The following CCSER1 variants were observed in gnomAD, a reference collection of about 807,000 sequenced individuals.
The protein encoded by CCSER1 is serine-rich coiled-coil domain-containing protein 1.
Under a neutral mutation model 82.0 loss-of-function variants are expected in CCSER1, and 41 were observed. The ratio of observed to expected loss-of-function variants is 0.50; its 90% CI spans 0.39 to 0.65. The LOEUF is 0.65. Among genes scored for constraint, CCSER1 ranks in the 30% least tolerant of loss-of-function variants. The pLI is 0.00. For missense variants in CCSER1, 1,119 were observed against 1,064.2 expected, an observed-to-expected ratio of 1.05 and a Z score of -0.72; for synonymous variants, 414 against 383.9, an observed-to-expected ratio of 1.08 and a Z score of -0.92.
intron 10 of CCSER1, among the ~76,000 whole-genome samples, chr4:91,594,368 C>CATATAT (rs1560788442): frequency 3.7e-4 from 51 of 136,574 alleles, no homozygotes; most frequent in African/African-American, 1.3e-3. Context: ...CATATATATA[C>CATATAT]ACATATATAT....
At chr4:91,134,832 C>T (rs954363801) in intron 10 of CCSER1, among the ~76,000 whole-genome samples, 1 of 152,106 alleles carries the variant, frequency 6.6e-6, no homozygotes, top group Non-Finnish European at 1.5e-5. Flanking sequence ...GAGGCCGGGG[C>T]AGACAGACCA....
chr4:91,272,923 C>T (rs1026593334), intron 10 of CCSER1, among the ~76,000 whole-genome samples: 1 of 152,064 alleles, frequency 6.6e-6, no homozygotes, highest in Non-Finnish European at 1.5e-5. Context: ...GGTTTTATTT[C>T]TGGGTTCTCT....
intron 4 of CCSER1, among the ~76,000 whole-genome samples, chr4:90,415,553 G>C (rs1755660531): frequency 6.6e-6 from 1 of 152,164 alleles, no homozygotes; most frequent in South Asian, 2.1e-4. Context: ...TGAATCCTCT[G>C]AAATGAGCTG....
intron 1 of CCSER1, among the ~76,000 whole-genome samples, chr4:90,297,017 C>G (rs1467781166): frequency 6.6e-6 from 1 of 151,996 alleles, no homozygotes; most frequent in Admixed American, 6.6e-5. Flanking sequence ...TAGTTTTTTC[C>G]AATTCTGTGA....
intron 5 of CCSER1, among the ~76,000 whole-genome samples, chr4:90,551,678 T>TTCTCTCTCTCTCTCTCTCTCTCTC (rs71596530): frequency 2.3e-5 from 2 of 88,568 alleles, no homozygotes; most frequent in African/African-American, 4.8e-5. Flanking sequence ...AAAAATATAA[T>TTCTCTCTCTCTCTCTCTCTCTCTC]TCTCTCTCTC....
At chr4:90,297,977 A>C (rs938059239) in intron 1 of CCSER1, among the ~76,000 whole-genome samples, 1 of 152,114 alleles carries the variant, frequency 6.6e-6, no homozygotes, top group African/African-American at 2.4e-5. Context: ...TGTCTCTGCC[A>C]GGCTTTGGTG....
intron 8 of CCSER1, among the ~76,000 whole-genome samples, chr4:90,864,350 A>C (rs1319476693): frequency 6.6e-6 from 1 of 152,014 alleles, no homozygotes; most frequent in African/African-American, 2.4e-5. Context: ...CCTCCAATGC[A>C]ACAGTGTTGA....
intron 10 of CCSER1, among the ~76,000 whole-genome samples, chr4:91,183,773 A>G (rs780882879): frequency 6.6e-6 from 1 of 152,126 alleles, no homozygotes; most frequent in Non-Finnish European, 1.5e-5. Context: ...TATTTATTTG[A>G]GGCTTATGGA....
At chr4:91,167,893 T>A (rs1006146837) in intron 10 of CCSER1, among the ~76,000 whole-genome samples, 5 of 150,668 alleles carry the variant, frequency 3.3e-5, no homozygotes, top group African/African-American at 1.2e-4. Flanking sequence ...AACTGAGGAG[T>A]GCCTCTGCCC....
intron 6 of CCSER1, among the ~76,000 whole-genome samples, chr4:90,672,803 T>G (rs1733055121): frequency 6.6e-6 from 1 of 151,996 alleles, no homozygotes; most frequent in Non-Finnish European, 1.5e-5. Context: ...TGGCATAATT[T>G]AAATATTGTT....
At chr4:91,423,167 T>C (rs1233876072) in intron 10 of CCSER1, among the ~76,000 whole-genome samples, 1 of 152,056 alleles carries the variant, frequency 6.6e-6, no homozygotes. Flanking sequence ...GGCTCACGCC[T>C]GTAGTCCCAA....
chr4:90,975,878 A>T (rs990525088), intron 9 of CCSER1, among the ~76,000 whole-genome samples: 16 of 151,386 alleles, frequency 1.1e-4, no homozygotes, highest in African/African-American at 3.9e-4. Flanking sequence ...AATTAGAATG[A>T]TGTTATTTAT....
chr4:91,564,142 G>C (rs769013076), intron 10 of CCSER1, among the ~76,000 whole-genome samples: 2 of 151,826 alleles, frequency 1.3e-5, no homozygotes, highest in Non-Finnish European at 2.9e-5. Context: ...TGAGGTATTT[G>C]GTTTTCTGTT....
chr4:90,607,699 CTT>C (rs1423054083), intron 5 of CCSER1, among the ~76,000 whole-genome samples: 1 of 152,160 alleles, frequency 6.6e-6, no homozygotes, highest in South Asian at 2.1e-4. Context: ...TGCAATGACT[CTT>C]TTCCCAAATA....
chr4:91,206,226 T>C (rs1736332207), intron 10 of CCSER1, among the ~76,000 whole-genome samples: 1 of 151,910 alleles, frequency 6.6e-6, no homozygotes, highest in South Asian at 2.1e-4. Context: ...TATATTTTTG[T>C]GTTTGCTCCA....
intron 9 of CCSER1, among the ~76,000 whole-genome samples, chr4:91,009,069 G>A (rs1370646811): frequency 1.3e-5 from 2 of 152,160 alleles, no homozygotes; most frequent in Non-Finnish European, 2.9e-5. Context: ...GGAGCACAGT[G>A]GACACCCTGG....
intron 3 of CCSER1, among the ~76,000 whole-genome samples, chr4:90,398,113 C>A (rs944437223): frequency 1.5e-4 from 23 of 152,146 alleles, no homozygotes; most frequent in Middle Eastern, 3.2e-3. Flanking sequence ...CCTATCTTCC[C>A]TCCCTCTGTG....
intron 9 of CCSER1, among the ~76,000 whole-genome samples, chr4:90,957,250 C>CA (rs1733554294): frequency 6.8e-6 from 1 of 146,960 alleles, no homozygotes; most frequent in Non-Finnish European, 1.5e-5. Context: ...TACAGGCCCC[C>CA]CCCACCACGT....
At chr4:90,913,276 G>C (rs1726724167) in intron 8 of CCSER1, among the ~76,000 whole-genome samples, 3 of 152,212 alleles carry the variant, frequency 2.0e-5, no homozygotes, top group Non-Finnish European at 4.4e-5. Context: ...AAGCCCATCA[G>C]ACTAACAGCT....
Sources: allele counts gnomAD v4.1 joint callset (sites outside exome capture counted in the v4.1 genomes callset), GRCh38; gene constraint gnomAD v4.1.1; transcripts MANE v1.5; gene names NCBI Gene and HGNC (gene_info 2026-07-23, HGNC 2026-07-21).